SPOCK1: variants seen among roughly 807,000 people sequenced by gnomAD.
SPOCK1 encodes the protein SPARC (osteonectin), cwcv and kazal like domains proteoglycan 1.
A neutral mutation model predicts 55.3 loss-of-function variants in SPOCK1; 23 were observed. That is an observed-to-expected ratio of 0.42 (90% CI 0.30 to 0.59). The LOEUF is 0.59. SPOCK1 is among the 20% of genes least tolerant of loss of function. The pLI, the probability that SPOCK1 is intolerant of heterozygous loss-of-function variation, is 0.22. For synonymous variants in SPOCK1, 226 were observed against 221.0 expected (o/e 1.02, Z -0.20); for missense variants, 499 against 552.5 (o/e 0.90, Z 0.97).
chr5:137,443,413 A>G (rs1459307693), intron 2 of SPOCK1, among the ~76,000 whole-genome samples: 2 of 151,956 alleles, frequency 1.3e-5, no homozygotes, highest in Non-Finnish European at 2.9e-5. Flanking sequence ...ACAAAGGCTT[A>G]GTCTTTCATT....
intron 2 of SPOCK1, among the ~76,000 whole-genome samples, chr5:137,484,495 GCA>G (rs767399344): frequency 7.9e-5 from 12 of 152,174 alleles, no homozygotes; most frequent in Non-Finnish European, 1.6e-4. Context: ...TTTAGTACTT[GCA>G]CATAACCTGG....
At chr5:137,319,888 T>C (rs2127146263) in intron 2 of SPOCK1, among the ~76,000 whole-genome samples, 1 of 138,346 alleles carries the variant, frequency 7.2e-6, no homozygotes, top group Admixed American at 8.4e-5. Flanking sequence ...GAGCTTGCAG[T>C]GAGCCGAGAT....
In SPOCK1 at chr5:137,140,135, C is replaced by T. The variant is rs114123612; in HGVS notation, c.347+445G>A. On this transcript the variant is annotated intron_variant, in intron 4 of 10. Coordinates refer to ENST00000394945, the MANE Select transcript of SPOCK1 (RefSeq NM_004598.4). ...ACCAAGGATGGCAAAGATGCTACATCCAATGGGGACATGGAAGCAGAGAGC... is the reference window on the plus strand; with the variant it reads ...ACCAAGGATGGCAAAGATGCTACATTCAATGGGGACATGGAAGCAGAGAGC... 3.9e-3 allele frequency among the ~76,000 whole-genome samples: 590 copies of T among 152,268 alleles called. 5 individuals are homozygous for T. Among genetic ancestry groups the T allele is most frequent in the African/African-American group, 0.014 (562 of 41,548 alleles).
chr5:137,217,043 G>C (rs1307533207), intron 3 of SPOCK1, among the ~76,000 whole-genome samples: 1 of 152,148 alleles, frequency 6.6e-6, no homozygotes, highest in South Asian at 2.1e-4. Context: ...AGGGAGTGGA[G>C]AGCTCAGACT....
At position 137,291,874 on chromosome 5, in the gene SPOCK1, A is replaced by G. The variant is rs112019485; in HGVS notation, c.187-24819T>C. On this transcript the variant is annotated intron_variant, in intron 2 of 10. Coordinates refer to ENST00000394945, the MANE Select transcript of SPOCK1 (RefSeq NM_004598.4). ...CAGCAATGCATCAAGGAATGGATGC[A>G]TGACCTTCACAGCTTGGTAAAAACC... Among the ~76,000 whole-genome samples, 145 of 152,360 alleles carry G rather than the reference A, an allele frequency of 9.5e-4. 2 individuals are homozygous for G. Among genetic ancestry groups the G allele is most frequent in the African/African-American group, 3.3e-3 (136 of 41,578 alleles).
intron 2 of SPOCK1, among the ~76,000 whole-genome samples, chr5:137,409,848 G>A (rs2127188330): frequency 6.6e-6 from 1 of 152,310 alleles, no homozygotes; most frequent in African/African-American, 2.4e-5. Flanking sequence ...TAAGTGCTGA[G>A]CAAAATAGAC....
chr5:137,174,759 C>T (rs1010059385), intron 3 of SPOCK1, among the ~76,000 whole-genome samples: 1 of 152,212 alleles, frequency 6.6e-6, no homozygotes, highest in African/African-American at 2.4e-5. Flanking sequence ...AGGGAAGAAA[C>T]ACTATTATGG....
intron 3 of SPOCK1, among the ~76,000 whole-genome samples, chr5:137,176,502 A>ATGTGTGTGTGTGTGTG (rs10527760): frequency 0.031 from 4,589 of 150,352 alleles, 117 homozygotes; most frequent in East Asian, 0.094. Context: ...CCCCACCACA[A>ATGTGTGTGTGTGTGTG]TGTGTGTGTG....
At chr5:137,183,848 T>C (rs917409340) in intron 3 of SPOCK1, among the ~76,000 whole-genome samples, 13 of 152,198 alleles carry the variant, frequency 8.5e-5, no homozygotes, top group African/African-American at 2.9e-4. Context: ...TGGATTAAAA[T>C]TCCAGCTCCA....
intron 2 of SPOCK1, among the ~76,000 whole-genome samples, chr5:137,451,114 T>G (rs983419354): frequency 1.3e-5 from 2 of 152,154 alleles, no homozygotes; most frequent in Non-Finnish European, 2.9e-5. Context: ...TACCCAGGAC[T>G]CAAACTTTTC....
At chr5:137,329,876 A>C (rs1451446450) in intron 2 of SPOCK1, among the ~76,000 whole-genome samples, 1 of 152,204 alleles carries the variant, frequency 6.6e-6, no homozygotes, top group Non-Finnish European at 1.5e-5. Flanking sequence ...CAAATGGTAG[A>C]AGGAAATGCT....
At chr5:136,998,696 G>A (rs1751093469) in intron 6 of SPOCK1, among the ~76,000 whole-genome samples, 2 of 152,218 alleles carry the variant, frequency 1.3e-5, no homozygotes, top group African/African-American at 4.8e-5. Flanking sequence ...AGAGCAAGTA[G>A]GCTCTCACCT....
intron 2 of SPOCK1, among the ~76,000 whole-genome samples, chr5:137,288,400 C>T (rs1028271384): frequency 6.6e-6 from 1 of 152,206 alleles, no homozygotes; most frequent in Non-Finnish European, 1.5e-5. Flanking sequence ...CATAGAAAGA[C>T]CAGCACAGTG....
chr5:137,153,971 G>A (rs1009747363), intron 3 of SPOCK1, among the ~76,000 whole-genome samples: 2 of 151,876 alleles, frequency 1.3e-5, no homozygotes, highest in African/African-American at 4.8e-5. Context: ...ATAATGATAA[G>A]ACCTAAGCAG....
chr5:137,057,426 G>A (rs936034569), intron 6 of SPOCK1, among the ~76,000 whole-genome samples: 1 of 152,126 alleles, frequency 6.6e-6, no homozygotes, highest in African/African-American at 2.4e-5. Context: ...TTGATTCTGA[G>A]CTTTATCTGG....
intron 4 of SPOCK1, among the ~76,000 whole-genome samples, chr5:137,123,238 T>C (rs917832672): frequency 8.5e-5 from 13 of 152,216 alleles, no homozygotes; most frequent in African/African-American, 3.1e-4. Flanking sequence ...TTCTCTCCTA[T>C]GTGGCCCTGA....
rs188287327 is a variant in SPOCK1 at position 137,391,190 on chromosome 5, T to C, written c.186+107183A>G. Reference sequence around the variant, plus strand: ...TCCTGTGTTAGTTTGCTGAGAATGATGGTTTCCAGCTTTATACATGTCCCT... The same window carrying C: ...TCCTGTGTTAGTTTGCTGAGAATGACGGTTTCCAGCTTTATACATGTCCCT... On this transcript the variant is annotated intron_variant, in intron 2 of 10. Transcript: ENST00000394945. Among the ~76,000 whole-genome samples, 484 of 152,300 alleles carry C rather than the reference T, an allele frequency of 3.2e-3. 6 individuals are homozygous for C. Among genetic ancestry groups the C allele is most frequent in the Middle Eastern group, 0.017 (5 of 292 alleles).
intron 2 of SPOCK1, among the ~76,000 whole-genome samples, chr5:137,448,046 G>A (rs1033544155): frequency 6.6e-6 from 1 of 152,104 alleles, no homozygotes; most frequent in Non-Finnish European, 1.5e-5. Flanking sequence ...TCAGCAGTTC[G>A]AGACCAGACT....
intron 3 of SPOCK1, among the ~76,000 whole-genome samples, chr5:137,247,803 G>A (rs1756424862): frequency 2.0e-5 from 3 of 152,130 alleles, no homozygotes; most frequent in African/African-American, 7.2e-5. Context: ...GGGTGGCCTG[G>A]CTTCATAACA....
Sources: allele counts gnomAD v4.1 joint callset (sites outside exome capture counted in the v4.1 genomes callset), GRCh38; gene constraint gnomAD v4.1.1; transcripts MANE v1.5; gene names NCBI Gene and HGNC (gene_info 2026-07-23, HGNC 2026-07-21).